Variants in ATP10D observed in about 807,000 individuals in gnomAD.
ATP10D encodes the protein ATPase phospholipid transporting 10D (putative), also known as phospholipid-transporting ATPase VD.
ATP10D carries 89 observed loss-of-function variants against 144.8 expected under a neutral mutation model. The observed-to-expected ratio is 0.61, with a 90% confidence interval of 0.52 to 0.73. ATP10D has a LOEUF of 0.73. Among genes scored for constraint, ATP10D ranks in the 30% least tolerant of loss-of-function variants. The probability of loss-of-function intolerance (pLI) is 0.00; values close to 1 mark genes in which losing one functional copy is unlikely to be tolerated. For synonymous variants in ATP10D, 571 were observed against 615.1 expected, an observed-to-expected ratio of 0.93 and a Z score of 1.06; for missense variants, 1,603 against 1,714.8, an observed-to-expected ratio of 0.93 and a Z score of 1.15.
chr4:47,502,991 CAG>C (rs1715792479), intron 1 of ATP10D, among the ~76,000 whole-genome samples: 1 of 152,030 alleles, frequency 6.6e-6, no homozygotes, highest in African/African-American at 2.4e-5. Context: ...CACTTGAGGT[CAG>C]GAGTTTGAGA....
At chr4:47,559,844 A>G (rs184266464) in intron 13 of ATP10D, among the ~76,000 whole-genome samples, 6 of 152,288 alleles carry the variant, frequency 3.9e-5, no homozygotes, top group Non-Finnish European at 7.4e-5. Flanking sequence ...TACTAAAAAC[A>G]CAAAAATTAG....
In ATP10D at chr4:47,573,006, C is replaced by A. The variant is rs1209660797; in HGVS notation, c.3366+9C>A. 1.2e-6 allele frequency: 2 copies of A among 1,613,692 alleles called. No homozygotes were observed. The highest frequency in any genetic ancestry group is 1.7e-5 in the Admixed American group (1 of 59,998). ...TTTTCTATAAGAATGTGGTATGTAA[C>A]CCCAGAGAATTTGTCCCTTTTCCCT... On this transcript the variant is annotated intron_variant, in intron 18 of 22. Coordinates refer to ENST00000273859, the MANE Select transcript of ATP10D (RefSeq NM_020453.4).
At chr4:47,566,824 T>G (rs550788211) in intron 15 of ATP10D, among the ~76,000 whole-genome samples, 1 of 152,338 alleles carries the variant, frequency 6.6e-6, no homozygotes, top group South Asian at 2.1e-4. Flanking sequence ...TTATTTAATA[T>G]GCATATTAAT....
chr4:47,574,893 C>T (rs907355660), intron 18 of ATP10D, among the ~76,000 whole-genome samples: 11 of 152,170 alleles, frequency 7.2e-5, no homozygotes, highest in East Asian at 1.9e-4. Flanking sequence ...CTCTGCCTCC[C>T]GAGGTCAAGC....
rs771868385 is a variant in ATP10D at position 47,512,846 on chromosome 4, T to C, written c.290+16T>C. The C allele has an allele frequency of 6.3e-7, 1 of 1,579,744 alleles. No individual in the cohort carries two copies. The highest frequency in any genetic ancestry group is 1.7e-5 in the Admixed American group (1 of 57,540). On this transcript the variant is annotated intron_variant, in intron 2 of 22. Transcript: ENST00000273859. ...AATTTCACAGGTACTGTTTTATTTT[T>C]GAAGAAAACCTTAGAATATCATTCT... is the stretch of plus-strand genomic sequence containing the variant.
chr4:47,527,341 A>G (rs2109414984), intron 5 of ATP10D, among the ~76,000 whole-genome samples: 1 of 152,294 alleles, frequency 6.6e-6, no homozygotes, highest in South Asian at 2.1e-4. Context: ...ATCTACAGTT[A>G]TGAAAACTTT....
chr4:47,528,027 A>C (rs1165563502), intron 5 of ATP10D, among the ~76,000 whole-genome samples: 1 of 152,190 alleles, frequency 6.6e-6, no homozygotes, highest in Non-Finnish European at 1.5e-5. Context: ...AACTCAATGA[A>C]GTTTGTTAAA....
rs749286393 is a variant in ATP10D at position 47,523,084 on chromosome 4, C to A, written c.558C>A (p.Asn186Lys). 6.2e-7 allele frequency: 1 copy of A among 1,613,464 alleles called. No individual in the cohort carries two copies. Among genetic ancestry groups the A allele is most frequent in the South Asian group, 1.1e-5 (1 of 91,084 alleles). ...TVGDFIRLSC[N>K]EVIPADMVLL... ...GGGACTTTATTCGCCTCTCCTGCAA[C>A]GAGGTCATCCCTGCAGACATGGTAC... Residue 186 changes from asparagine (N) to lysine (K), a missense_variant, in exon 4 of 23, where the codon AAC becomes AAA. Physicochemically the swap from Asn to Lys is moderately conservative, Grantham distance 94. Coordinates refer to ENST00000273859, the MANE Select transcript of ATP10D (RefSeq NM_020453.4).
At chr4:47,518,289 T>C (rs945658707) in intron 3 of ATP10D, among the ~76,000 whole-genome samples, 2 of 152,146 alleles carry the variant, frequency 1.3e-5, no homozygotes, top group South Asian at 4.1e-4. Context: ...AAAGTATCAT[T>C]TGGAATAACA....
In ATP10D at chr4:47,572,935, C is replaced by A. The variant is rs148784624; in HGVS notation, c.3304C>A (p.His1102Asn). The A allele has an allele frequency of 6.2e-7, 1 of 1,613,942 alleles. No individual in the cohort carries two copies. The highest frequency in any genetic ancestry group is 8.5e-7 in the Non-Finnish European group (1 of 1,179,968). ...FKHLSKLLLV[H>N]GHWCYTRLSN... ...ACATCTCAGCAAGCTCCTTCTTGTC[C>A]ATGGACACTGGTGTTATACACGGCT... is the stretch of plus-strand genomic sequence containing the variant. Residue 1102 changes from histidine to asparagine, a missense_variant, in exon 18 of 23, where the codon CAT becomes AAT. His to Asn is a moderately conservative substitution (Grantham distance 68). Transcript: ENST00000273859.
Position 47,546,864 on chromosome 4 carries a change from T to C in ATP10D, c.1635+2T>C, listed in dbSNP as rs1408353811. 1 of 1,608,934 alleles carries C rather than the reference T, an allele frequency of 6.2e-7. No individual in the cohort carries two copies. ...CAGGCTGCTTTCAGTAGCCCCATTGTAAGTATGAATGCATGACTAGAGTCT... is the reference window on the plus strand; with the variant it reads ...CAGGCTGCTTTCAGTAGCCCCATTGCAAGTATGAATGCATGACTAGAGTCT... On this transcript the variant is annotated splice_donor_variant, in intron 10 of 22. Coordinates refer to ENST00000273859, the MANE Select transcript of ATP10D (RefSeq NM_020453.4). LOFTEE classifies it high-confidence loss of function.
intron 5 of ATP10D, among the ~76,000 whole-genome samples, chr4:47,532,135 G>A (rs901323721): frequency 6.6e-6 from 1 of 152,158 alleles, no homozygotes; most frequent in African/African-American, 2.4e-5. Flanking sequence ...AAATTTCTGG[G>A]AGTGGAGCCA....
intron 3 of ATP10D, among the ~76,000 whole-genome samples, chr4:47,519,398 G>T (rs1382229287): frequency 6.6e-6 from 1 of 152,170 alleles, no homozygotes; most frequent in African/African-American, 2.4e-5. Flanking sequence ...GCTGTGTCCT[G>T]GTCATTGAGA....
intron 21 of ATP10D, among the ~76,000 whole-genome samples, chr4:47,584,543 C>T (rs1363393970): frequency 6.6e-6 from 1 of 152,066 alleles, no homozygotes; most frequent in Non-Finnish European, 1.5e-5. Context: ...CAGGCGCCCA[C>T]CACCACGCCC....
Position 47,572,960 on chromosome 4 carries a change from T to C in ATP10D, c.3329T>C (p.Leu1110Pro). The stretch of plus-strand genomic sequence containing the variant: ...CATGGACACTGGTGTTATACACGGC[T>C]TTCCAACATGATTCTCTATTTTTTC... ...LVHGHWCYTR[L>P]SNMILYFFYK... The change falls in exon 18 of 23, where the codon CTT becomes CCT. Residue 1110 changes from leucine to proline, a missense_variant. Leu to Pro is a moderately conservative substitution (Grantham distance 98, BLOSUM62 -3). Coordinates refer to ENST00000273859, the MANE Select transcript of ATP10D (RefSeq NM_020453.4). 1 of 1,614,154 alleles carries C rather than the reference T, an allele frequency of 6.2e-7. No homozygotes were observed. Among genetic ancestry groups the C allele is most frequent in the Non-Finnish European group, 8.5e-7 (1 of 1,179,992 alleles).
intron 22 of ATP10D, among the ~76,000 whole-genome samples, chr4:47,588,789 A>G (rs1003602963): frequency 6.6e-6 from 1 of 152,224 alleles, no homozygotes; most frequent in African/African-American, 2.4e-5. Context: ...GACAAGATGA[A>G]CTTACAGAAT....
At chr4:47,535,438 G>A in intron 5 of ATP10D, 71 bp from the exon 6 acceptor site, 3 of 1,188,316 alleles carry the variant, frequency 2.5e-6, no homozygotes, top group Middle Eastern at 4.0e-4. Flanking sequence ...ACATTCAAGG[G>A]CCATGAGATT....
intron 1 of ATP10D, among the ~76,000 whole-genome samples, chr4:47,512,202 C>A (rs555367084): frequency 6.6e-6 from 1 of 152,302 alleles, no homozygotes; most frequent in South Asian, 2.1e-4. Context: ...GATGATAAAA[C>A]TGATGATCAG....
At chr4:47,538,667 C>G (rs1717973957) in intron 9 of ATP10D, among the ~76,000 whole-genome samples, 1 of 152,094 alleles carries the variant, frequency 6.6e-6, no homozygotes, top group Admixed American at 6.6e-5. Context: ...ATGACCTCAT[C>G]CTATGCTTAG....
Sources: gnomAD v4.1 joint callset for allele counts (sites outside exome capture counted in the v4.1 genomes callset) on GRCh38, gnomAD v4.1.1 for gene constraint, MANE v1.5 for transcripts, NCBI Gene and HGNC (gene_info 2026-07-23, HGNC 2026-07-21) for gene names.